DLG2: variants seen among roughly 807,000 people sequenced by gnomAD.
DLG2 encodes discs large MAGUK scaffold protein 2, also known as disks large homolog 2.
In DLG2, 45 loss-of-function variants were observed where a neutral mutation model predicts 132.5. The observed-to-expected ratio is 0.34, with a 90% CI of 0.27 to 0.44. The LOEUF is 0.44. DLG2 is among the 20% of genes least tolerant of loss of function. The pLI is 1.00. For synonymous variants in DLG2, 424 were observed against 419.6 expected, an observed-to-expected ratio of 1.01 and a Z score of -0.13; for missense variants, 1,045 against 1,196.9, an observed-to-expected ratio of 0.87 and a Z score of 1.87.
chr11:85,391,836 G>C (rs1415472452), intron 3 of DLG2, among the ~76,000 whole-genome samples: 2 of 152,078 alleles, frequency 1.3e-5, no homozygotes, highest in African/African-American at 4.8e-5. Context: ...ATAATATACT[G>C]ACTGGGGAAA....
rs755106310 is a variant in DLG2 at position 84,922,155 on chromosome 11, G to C, written c.357+189506C>G. Among the ~76,000 whole-genome samples, 5 of 149,544 alleles carry C rather than the reference G, an allele frequency of 3.3e-5. No homozygotes were observed. The East Asian group carries it at 9.8e-4, about 29-fold the overall frequency. On this transcript the variant is annotated intron_variant, in intron 6 of 27. Transcript: ENST00000376104. ...CACTCCCCTAGTAAAATAAAAAGGG[G>C]AAACACTTTATATTGACTTTAAAAA...
intron 6 of DLG2, among the ~76,000 whole-genome samples, chr11:85,100,201 T>A (rs903853147): frequency 2.0e-5 from 3 of 152,136 alleles, no homozygotes; most frequent in African/African-American, 7.2e-5. Flanking sequence ...AGAGAGTTCA[T>A]TGCTCAAGTG....
At chr11:83,703,299 T>TTC (rs2083292962) in intron 18 of DLG2, among the ~76,000 whole-genome samples, 1 of 152,226 alleles carries the variant, frequency 6.6e-6, no homozygotes, top group Non-Finnish European at 1.5e-5. Flanking sequence ...TTTATTAACC[T>TTC]AGGTTCTTGA....
intron 9 of DLG2, among the ~76,000 whole-genome samples, chr11:84,158,812 CTA>C (rs2095485873): frequency 6.6e-6 from 1 of 152,136 alleles, no homozygotes; most frequent in African/African-American, 2.4e-5. Context: ...GAGTGGAATG[CTA>C]TGTCTTTAAT....
chr11:84,488,235 T>A (rs2099155785), intron 7 of DLG2, among the ~76,000 whole-genome samples: 1 of 152,110 alleles, frequency 6.6e-6, no homozygotes, highest in South Asian at 2.1e-4. Context: ...AAAAGAGTTG[T>A]ATCATACCAA....
At chr11:84,173,304 C>T (rs2095865122) in intron 8 of DLG2, among the ~76,000 whole-genome samples, 1 of 152,098 alleles carries the variant, frequency 6.6e-6, no homozygotes, top group Admixed American at 6.5e-5. Flanking sequence ...CTGTTTTGTT[C>T]TTTGGGTTTA....
chr11:83,570,287 G>A (rs1470421235), intron 19 of DLG2, among the ~76,000 whole-genome samples: 2 of 152,068 alleles, frequency 1.3e-5, no homozygotes, highest in East Asian at 3.9e-4. Flanking sequence ...TTAACGTACA[G>A]AATATTATTA....
At chr11:85,371,326 G>A (rs1465615649) in intron 3 of DLG2, among the ~76,000 whole-genome samples, 3 of 152,232 alleles carry the variant, frequency 2.0e-5, no homozygotes, top group South Asian at 4.2e-4. Context: ...CAGAGTCAAG[G>A]AAACTTATTT....
chr11:84,846,191 C>T (rs1051496991), intron 6 of DLG2, among the ~76,000 whole-genome samples: 3 of 152,062 alleles, frequency 2.0e-5, no homozygotes, highest in Non-Finnish European at 2.9e-5. Flanking sequence ...TCCCTGACCT[C>T]CTTTTCTGTC....
intron 6 of DLG2, among the ~76,000 whole-genome samples, chr11:84,877,770 T>C (rs1027520426): frequency 6.6e-6 from 1 of 152,006 alleles, no homozygotes; most frequent in African/African-American, 2.4e-5. Context: ...GTCATCAGAG[T>C]GAACAGGCAA....
chr11:85,589,728 C>G (rs534168528), intron 3 of DLG2, among the ~76,000 whole-genome samples: 1 of 152,102 alleles, frequency 6.6e-6, no homozygotes, highest in Admixed American at 6.5e-5. Flanking sequence ...TCCAGGCAGC[C>G]TGCACATGGG....
At chr11:85,540,609 T>G (rs2075900201) in intron 3 of DLG2, among the ~76,000 whole-genome samples, 1 of 152,200 alleles carries the variant, frequency 6.6e-6, no homozygotes, top group Non-Finnish European at 1.5e-5. Flanking sequence ...GGGCAATAAT[T>G]CAGGATACAG....
intron 6 of DLG2, among the ~76,000 whole-genome samples, chr11:84,832,916 A>T (rs1293397933): frequency 6.6e-6 from 1 of 151,664 alleles, no homozygotes; most frequent in East Asian, 2.0e-4. Context: ...TTTACTGTCT[A>T]TATCCCAAAG....
intron 6 of DLG2, among the ~76,000 whole-genome samples, chr11:84,870,224 AATAG>A (rs2085267619): frequency 6.6e-6 from 1 of 152,194 alleles, no homozygotes; most frequent in South Asian, 2.1e-4. Flanking sequence ...ACCCAAAGAG[AATAG>A]ATAAAGTGTA....
At chr11:85,521,536 A>C (rs1242789561) in intron 3 of DLG2, among the ~76,000 whole-genome samples, 1 of 152,196 alleles carries the variant, frequency 6.6e-6, no homozygotes, top group Admixed American at 6.5e-5. Flanking sequence ...AAGATATCTG[A>C]AAATGTGGAA....
intron 4 of DLG2, among the ~76,000 whole-genome samples, chr11:85,159,316 G>T (rs1203465845): frequency 6.6e-6 from 1 of 152,166 alleles, no homozygotes; most frequent in Non-Finnish European, 1.5e-5. Flanking sequence ...TGCATAATTG[G>T]CATAGACATA....
chr11:85,545,508 G>A (rs1292257332), intron 3 of DLG2, among the ~76,000 whole-genome samples: 2 of 152,180 alleles, frequency 1.3e-5, no homozygotes, highest in African/African-American at 4.8e-5. Flanking sequence ...CTCATGAAGT[G>A]AGTTAGGGTG....
intron 7 of DLG2, among the ~76,000 whole-genome samples, chr11:84,331,911 C>A (rs1385235362): frequency 6.6e-6 from 1 of 152,108 alleles, no homozygotes; most frequent in Non-Finnish European, 1.5e-5. Flanking sequence ...CCGAGACATC[C>A]AAGTCGGAGC....
chr11:85,330,621 C>A (rs1187608909), intron 3 of DLG2, among the ~76,000 whole-genome samples: 41 of 94,402 alleles, frequency 4.3e-4, no homozygotes, highest in South Asian at 4.3e-4. Flanking sequence ...ACTCTGGGGA[C>A]TGTGGTGGGG....
Sources: allele counts gnomAD v4.1 joint callset (sites outside exome capture counted in the v4.1 genomes callset), GRCh38; gene constraint gnomAD v4.1.1; transcripts MANE v1.5; gene names NCBI Gene and HGNC (gene_info 2026-07-23, HGNC 2026-07-21).